ARL15: variants seen among roughly 807,000 people sequenced by gnomAD.
The protein encoded by ARL15 is ADP-ribosylation factor-like protein 15.
In ARL15, 19 loss-of-function variants were observed where a neutral mutation model predicts 25.2. The ratio of observed to expected loss-of-function variants is 0.75; its 90% CI spans 0.53 to 1.10. The LOEUF is 1.10. Among genes scored for constraint, ARL15 ranks in the 50% least tolerant of loss-of-function variants. The pLI is 0.00. For missense variants in ARL15, 220 were observed against 246.0 expected, an observed-to-expected ratio of 0.89 and a Z score of 0.71; for synonymous variants, 94 against 86.8, an observed-to-expected ratio of 1.08 and a Z score of -0.46.
chr5:54,144,593 T>G (rs1579844288), intron 3 of ARL15, among the ~76,000 whole-genome samples: 1 of 152,376 alleles, frequency 6.6e-6, no homozygotes, highest in Non-Finnish European at 1.5e-5. Flanking sequence ...ATTTGGCATC[T>G]TTCTTTCATG....
chr5:54,229,700 C>A (rs1010140283), intron 1 of ARL15, among the ~76,000 whole-genome samples: 1 of 152,066 alleles, frequency 6.6e-6, no homozygotes, highest in Non-Finnish European at 1.5e-5. Context: ...TATTGTTATT[C>A]GGAAGAAGGA....
intron 4 of ARL15, among the ~76,000 whole-genome samples, chr5:53,986,526 C>G (rs930224834): frequency 5.3e-5 from 8 of 152,194 alleles, no homozygotes; most frequent in African/African-American, 1.9e-4. Flanking sequence ...GTCTAGGGTA[C>G]AGCCTAGGAA....
At chr5:54,270,504 T>C (rs563932075) in intron 1 of ARL15, among the ~76,000 whole-genome samples, 1 of 152,336 alleles carries the variant, frequency 6.6e-6, no homozygotes, top group African/African-American at 2.4e-5. Context: ...TGTATCCTGG[T>C]TTCGACACAC....
intron 3 of ARL15, among the ~76,000 whole-genome samples, chr5:54,117,192 G>A (rs1752926663): frequency 6.6e-6 from 1 of 152,142 alleles, no homozygotes; most frequent in South Asian, 2.1e-4. Context: ...ACATTAGATG[G>A]TGTCCAGTGA....
intron 3 of ARL15, among the ~76,000 whole-genome samples, chr5:54,121,245 T>C (rs1753064773): frequency 6.6e-6 from 1 of 152,174 alleles, no homozygotes; most frequent in African/African-American, 2.4e-5. Flanking sequence ...AATATATGAC[T>C]GCACTCACAT....
At chr5:54,223,025 T>C (rs1756421447) in intron 1 of ARL15, among the ~76,000 whole-genome samples, 1 of 148,010 alleles carries the variant, frequency 6.8e-6, no homozygotes, top group Admixed American at 6.9e-5. Flanking sequence ...GGTTTCACCA[T>C]ATTGGCCAGG....
intron 4 of ARL15, among the ~76,000 whole-genome samples, chr5:53,892,035 G>C (rs1022784214): frequency 2.6e-5 from 4 of 152,184 alleles, no homozygotes; most frequent in Non-Finnish European, 5.9e-5. Context: ...GACCATAAAA[G>C]ACCGTTTAAT....
At chr5:53,923,899 C>T (rs995294405) in intron 4 of ARL15, among the ~76,000 whole-genome samples, 1 of 152,076 alleles carries the variant, frequency 6.6e-6, no homozygotes, top group African/African-American at 2.4e-5. Context: ...AAAAACCTGA[C>T]TATTTTTCAG....
rs531851472 is a variant in ARL15, at chr5:54,202,291, G to C, written c.49-30363C>G. 3.9e-5 allele frequency among the ~76,000 whole-genome samples: 6 copies of C among 152,220 alleles called. No individual in the cohort carries two copies. The South Asian group carries it at 1.2e-3, about 32-fold the overall frequency. On this transcript the variant is annotated intron_variant, in intron 1 of 4. Transcript: ENST00000504924. ...GTGACTGTTACGTTACATGGCCAGG[G>C]GGCATCAAGGTTACTAATCAGCCGA...
intron 4 of ARL15, among the ~76,000 whole-genome samples, chr5:54,069,750 C>A (rs925751261): frequency 4.0e-5 from 6 of 151,562 alleles, no homozygotes; most frequent in Non-Finnish European, 8.8e-5. Context: ...TGGATTCAAG[C>A]AATTCTCCTG....
At chr5:54,188,072 T>G (rs1755288861) in intron 1 of ARL15, among the ~76,000 whole-genome samples, 2 of 152,152 alleles carry the variant, frequency 1.3e-5, no homozygotes, top group African/African-American at 4.8e-5. Context: ...CCTTTTCCAA[T>G]TTGCATATCA....
chr5:54,268,631 A>T (rs1471600985), intron 1 of ARL15, among the ~76,000 whole-genome samples: 1 of 152,148 alleles, frequency 6.6e-6, no homozygotes, highest in Non-Finnish European at 1.5e-5. Context: ...ATGGTGATGT[A>T]CAGATGGGTT....
chr5:53,930,251 A>AT, intron 4 of ARL15, among the ~76,000 whole-genome samples: 1 of 152,234 alleles, frequency 6.6e-6, no homozygotes, highest in South Asian at 2.1e-4. Flanking sequence ...ACTTTTTATT[A>AT]TTTTATCTCT....
intron 4 of ARL15, among the ~76,000 whole-genome samples, chr5:53,929,750 C>T (rs80304976): frequency 3.1e-4 from 47 of 152,334 alleles, no homozygotes; most frequent in East Asian, 1.9e-4. Flanking sequence ...CCATCAGAGG[C>T]GGATGCACCT....
intron 4 of ARL15, among the ~76,000 whole-genome samples, chr5:54,112,238 A>G (rs1274640388): frequency 1.3e-5 from 2 of 152,178 alleles, no homozygotes; most frequent in Non-Finnish European, 2.9e-5. Flanking sequence ...ACTTATCATA[A>G]TAAATTGGAT....
rs185698772 is a variant in ARL15, at chr5:54,035,427, C to A, written c.462+77775G>T. 9.2e-4 allele frequency among the ~76,000 whole-genome samples: 140 copies of A among 152,164 alleles called. 1 individual carries two copies. The highest frequency in any genetic ancestry group is 1.8e-3 in the Non-Finnish European group (124 of 67,984). ...GATTATTTTAGAATAAAACACATATCCTTATAGGTTTCCTTAGGCAGTGTC... is the reference window on the plus strand; with the variant it reads ...GATTATTTTAGAATAAAACACATATACTTATAGGTTTCCTTAGGCAGTGTC... On this transcript the variant is annotated intron_variant, in intron 4 of 4. Coordinates refer to ENST00000504924, the MANE Select transcript of ARL15 (RefSeq NM_019087.3).
chr5:54,137,674 T>C (rs1022037508), intron 3 of ARL15, among the ~76,000 whole-genome samples: 1 of 152,182 alleles, frequency 6.6e-6, no homozygotes, highest in South Asian at 2.1e-4. Flanking sequence ...CTTGTAACCA[T>C]CATTTCTTTG....
rs180767919 is a variant in ARL15, at chr5:54,019,705, C to T, written c.462+93497G>A. On this transcript the variant is annotated intron_variant, in intron 4 of 4. Transcript: ENST00000504924. ...ATGTGAATATTATGACATTCTAATG[C>T]TCATGCCAATGTAGCCTTATACAAA... 7.2e-3 allele frequency among the ~76,000 whole-genome samples: 1,099 copies of T among 152,230 alleles called. 3 individuals carry two copies. Among genetic ancestry groups the T allele is most frequent in the Non-Finnish European group, 0.011 (766 of 68,016 alleles).
intron 4 of ARL15, among the ~76,000 whole-genome samples, chr5:54,037,273 G>C (rs1292287548): frequency 6.6e-6 from 1 of 151,980 alleles, no homozygotes; most frequent in Admixed American, 6.6e-5. Flanking sequence ...ACATTTTAAA[G>C]AATATATTTA....
Sources: gnomAD v4.1 joint callset for allele counts (sites outside exome capture counted in the v4.1 genomes callset) on GRCh38, gnomAD v4.1.1 for gene constraint, MANE v1.5 for transcripts, NCBI Gene and HGNC (gene_info 2026-07-23, HGNC 2026-07-21) for gene names.